Variants in SAMM50 observed in about 807,000 individuals in gnomAD.
SAMM50 encodes the protein SAMM50 sorting and assembly machinery component.
SAMM50 carries 47 observed loss-of-function variants against 66.9 expected under a neutral mutation model. The ratio of observed to expected loss-of-function variants is 0.70; its 90% CI spans 0.56 to 0.90. The LOEUF is 0.90. Among genes scored for constraint, SAMM50 ranks in the 40% least tolerant of loss-of-function variants. The pLI, the probability that SAMM50 is intolerant of heterozygous loss-of-function variation, is 0.00. For synonymous variants in SAMM50, 191 were observed against 214.1 expected, an observed-to-expected ratio of 0.89 and a Z score of 0.94; for missense variants, 535 against 595.3, an observed-to-expected ratio of 0.90 and a Z score of 1.05.
intron 7 of SAMM50, among the ~76,000 whole-genome samples, 185 bp downstream of exon 7, chr22:43,973,508 G>A (rs956383559): frequency 1.3e-5 from 2 of 152,220 alleles, no homozygotes; most frequent in African/African-American, 4.8e-5. Flanking sequence ...GAGAGTGGCT[G>A]ATGCCCATGT....
At chr22:43,958,496 T>TTTTTTTA (rs2050131346) in intron 1 of SAMM50, among the ~76,000 whole-genome samples, 4 of 149,526 alleles carry the variant, frequency 2.7e-5, no homozygotes, top group Non-Finnish European at 4.4e-5. Flanking sequence ...TTTTTTTTTT[T>TTTTTTTA]GAGGCGGAGT....
intron 5 of SAMM50, 101 bp from the exon 6 acceptor site, chr22:43,972,770 T>C: frequency 1.8e-6 from 2 of 1,094,720 alleles, no homozygotes; most frequent in East Asian, 2.5e-5. Flanking sequence ...ATCTTCCTTC[T>C]GTTTTTATGA....
rs1273646404 is a variant in SAMM50 at position 43,972,975 on chromosome 22, A to G, written c.534A>G (p.Lys178=). ...KETSYGLSFF[K]PRPGNFERNF... ...CTTCGTATGGCCTGTCCTTCTTCAA[A>G]CCACGGCCCGGAAACTTCGAAAGAA... Residue 178 remains lysine, a synonymous_variant, in exon 6 of 15, where the codon AAA becomes AAG. Coordinates refer to ENST00000350028, the MANE Select transcript of SAMM50 (RefSeq NM_015380.5). 6.3e-7 allele frequency: 1 copy of G among 1,594,360 alleles called. No homozygotes were observed. Among genetic ancestry groups the G allele is most frequent in the Non-Finnish European group, 8.5e-7 (1 of 1,175,594 alleles).
Position 43,981,563 on chromosome 22 carries a change from T to C in SAMM50, c.1007+102T>C, listed in dbSNP as rs368680259. 1.6e-3 allele frequency: 1,165 copies of C among 740,780 alleles called. 17 individuals carry two copies. Among genetic ancestry groups the C allele is most frequent in the South Asian group, 0.012 (792 of 63,990 alleles). 45.9% of individuals were successfully genotyped at this position (740,780 alleles called of 1,614,324 possible). A position where few individuals can be genotyped will look rare whatever the true frequency, so the allele number is the denominator to read the frequency against. On this transcript the variant is annotated intron_variant, in intron 11 of 14. Coordinates refer to ENST00000350028, the MANE Select transcript of SAMM50 (RefSeq NM_015380.5). ...TTAGAGAAGTTTATTTAGGAGAGCA[T>C]AGTATTTCAAATATTCCTTTAGTAT...
At chr22:43,966,700 C>A (rs1395901795) in intron 3 of SAMM50, among the ~76,000 whole-genome samples, 1 of 152,156 alleles carries the variant, frequency 6.6e-6, no homozygotes, top group Non-Finnish European at 1.5e-5. Flanking sequence ...GGTCTCTTTC[C>A]CAAAATTGGG....
intron 1 of SAMM50, chr22:43,957,349 A>G (rs896101941): frequency 1.3e-5 from 7 of 551,008 alleles, no homozygotes; most frequent in Non-Finnish European, 2.3e-5. Flanking sequence ...AAGGATTTAA[A>G]CTAATGAAAA....
chr22:43,989,339 C>CTTT (rs34147065), intron 13 of SAMM50, 82 bp downstream of exon 13: 12,542 of 983,568 alleles, frequency 0.013, 5 homozygotes, highest in East Asian at 0.022. Flanking sequence ...AGGTGTCTGT[C>CTTT]TTTTTTTTTT....
intron 8 of SAMM50, among the ~76,000 whole-genome samples, 175 bp from the exon 9 acceptor site, chr22:43,976,575 G>A (rs1316447014): frequency 6.6e-6 from 1 of 152,230 alleles, no homozygotes; most frequent in Non-Finnish European, 1.5e-5. Flanking sequence ...ACGTCTCAGT[G>A]TCCTCCTATG....
chr22:43,982,272 G>T (rs1173394040), intron 11 of SAMM50, among the ~76,000 whole-genome samples: 1 of 152,222 alleles, frequency 6.6e-6, no homozygotes, highest in Non-Finnish European at 1.5e-5. Context: ...AAAGATTTAT[G>T]TGTAGAAGGA....
At chr22:43,984,722 G>A (rs1355543005) in intron 12 of SAMM50, among the ~76,000 whole-genome samples, 1 of 151,776 alleles carries the variant, frequency 6.6e-6, no homozygotes, top group Non-Finnish European at 1.5e-5. Flanking sequence ...TCCGCCTCCC[G>A]GGTTCACACG....
chr22:43,968,432 A>G (rs577588133), intron 3 of SAMM50, among the ~76,000 whole-genome samples: 1 of 152,130 alleles, frequency 6.6e-6, no homozygotes, highest in Non-Finnish European at 1.5e-5. Context: ...CTTCCAGCAC[A>G]ACGTTCTAGA....
intron 4 of SAMM50, 88 bp downstream of exon 4, chr22:43,968,906 C>A: frequency 1.2e-6 from 1 of 859,698 alleles, no homozygotes. Flanking sequence ...ATCTGGGCAG[C>A]AGAGCACTGC....
intron 1 of SAMM50, among the ~76,000 whole-genome samples, 200 bp downstream of exon 1, chr22:43,955,798 G>A (rs2050116179): frequency 6.6e-6 from 1 of 152,378 alleles, no homozygotes; most frequent in South Asian, 2.1e-4. Flanking sequence ...GAACCTGATA[G>A]GAGGGACGAG....
At chr22:43,956,743 A>G (rs188613782) in intron 1 of SAMM50, among the ~76,000 whole-genome samples, 65 of 152,256 alleles carry the variant, frequency 4.3e-4, no homozygotes, top group Non-Finnish European at 7.8e-4. Flanking sequence ...GAGATGAGGA[A>G]ACTTCTCATG....
At chr22:43,956,421 G>A (rs551060059) in intron 1 of SAMM50, among the ~76,000 whole-genome samples, 1 of 152,170 alleles carries the variant, frequency 6.6e-6, no homozygotes. Flanking sequence ...CACAGAAGTC[G>A]CAGCCTGACA....
chr22:43,968,259 AAAAG>A (rs1749359578), intron 3 of SAMM50, among the ~76,000 whole-genome samples: 1 of 151,440 alleles, frequency 6.6e-6, no homozygotes, highest in Non-Finnish European at 1.5e-5. Flanking sequence ...AAAAAAGAAA[AAAAG>A]AAAAAAAAAG....
At position 43,969,704 on chromosome 22, in the gene SAMM50, G is replaced by C. The variant is rs574506987; in HGVS notation, c.322+886G>C. On this transcript the variant is annotated intron_variant, in intron 4 of 14. Transcript: ENST00000350028. ...GGGAGAAGGGCTGGTAGTGAGGTGGGGTGAAGAATGTTCTGGGGACAGAGA... is the reference window on the plus strand; with the variant it reads ...GGGAGAAGGGCTGGTAGTGAGGTGGCGTGAAGAATGTTCTGGGGACAGAGA... Among the ~76,000 whole-genome samples the C allele has an allele frequency of 2.6e-5, 4 of 152,302 alleles. No individual in the cohort carries two copies. The South Asian group carries it at 8.3e-4, about 32-fold the overall frequency.
At chr22:43,959,813 A>G (rs76015644) in intron 1 of SAMM50, among the ~76,000 whole-genome samples, 1,764 of 152,308 alleles carry the variant, frequency 0.012, 17 homozygotes, top group Non-Finnish European at 0.018. Flanking sequence ...TATTTGGTGA[A>G]TGAATGAATA....
intron 3 of SAMM50, among the ~76,000 whole-genome samples, chr22:43,967,235 G>A (rs753080153): frequency 1.3e-5 from 2 of 152,180 alleles, no homozygotes; most frequent in East Asian, 3.9e-4. Context: ...CAGCTCCTCT[G>A]TGTTGAGCTG....
Sources: gnomAD v4.1 joint callset for allele counts (sites outside exome capture counted in the v4.1 genomes callset) on GRCh38, gnomAD v4.1.1 for gene constraint, MANE v1.5 for transcripts, NCBI Gene and HGNC (gene_info 2026-07-23, HGNC 2026-07-21) for gene names.